Variants in ASH1L observed in about 807,000 individuals in gnomAD.
The protein encoded by ASH1L is ASH1 like histone lysine methyltransferase.
ASH1L carries 23 observed loss-of-function variants against 269.0 expected under a neutral mutation model. The observed-to-expected ratio is 0.09, with a 90% CI of 0.06 to 0.12. The LOEUF is 0.12. Among genes scored for constraint, ASH1L ranks in the 10% least tolerant of loss-of-function variants. The pLI, the probability that ASH1L is intolerant of heterozygous loss-of-function variation, is 1.00. For missense variants in ASH1L, 2,912 were observed against 3,567.8 expected (o/e 0.82, Z 4.68); for synonymous variants, 1,187 against 1,253.5 (o/e 0.95, Z 1.12).
At chr1:155,354,737 G>A (rs1305526455) in intron 15 of ASH1L, 107 bp from the exon 16 acceptor site, 4 of 1,066,746 alleles carry the variant, frequency 3.7e-6, no homozygotes, top group East Asian at 2.6e-5. Flanking sequence ...GAATTGAGCT[G>A]TTGTAAAGAG....
Position 155,389,161 on chromosome 1 carries a change from A to C in ASH1L, c.6103+6298T>G, listed in dbSNP as rs548285552. ...ACTGGGATTACAGGCATCCACTATCACTCCTGGCTAATTTTTTTCTATTTT... is the reference window on the plus strand; with the variant it reads ...ACTGGGATTACAGGCATCCACTATCCCTCCTGGCTAATTTTTTTCTATTTT... On this transcript the variant is annotated intron_variant, in intron 7 of 27. Transcript: ENST00000392403. Among the ~76,000 whole-genome samples the C allele has an allele frequency of 1.0e-4, 15 of 150,008 alleles. No individual in the cohort carries two copies. The East Asian group carries it at 1.8e-3, about 18-fold the overall frequency.
At chr1:155,425,894 GTTTT>G (rs35782870) in intron 5 of ASH1L, among the ~76,000 whole-genome samples, 1 of 143,498 alleles carries the variant, frequency 7.0e-6, no homozygotes, top group Admixed American at 6.9e-5. Context: ...TTTTTGTGGT[GTTTT>G]TTTTTTTTGA....
intron 1 of ASH1L, among the ~76,000 whole-genome samples, chr1:155,555,178 A>G (rs1671501779): frequency 2.7e-5 from 4 of 150,644 alleles, no homozygotes; most frequent in South Asian, 2.1e-4. Flanking sequence ...TCTGACCTAC[A>G]GTTATTTGAC....
At chr1:155,410,925 G>A (rs897058047) in intron 6 of ASH1L, among the ~76,000 whole-genome samples, 4 of 151,990 alleles carry the variant, frequency 2.6e-5, no homozygotes, top group African/African-American at 9.7e-5. Flanking sequence ...TTATTCTATT[G>A]TATGATATTA....
At chr1:155,468,497 GCTT>G (rs768447156) in intron 3 of ASH1L, among the ~76,000 whole-genome samples, 1 of 152,016 alleles carries the variant, frequency 6.6e-6, no homozygotes, top group Non-Finnish European at 1.5e-5. Flanking sequence ...AGGAAGATTT[GCTT>G]CTTTTCTGCC....
At chr1:155,346,259 C>T (rs1653306926) in intron 21 of ASH1L, 124 bp downstream of exon 21, 1 of 1,566,068 alleles carries the variant, frequency 6.4e-7, no homozygotes, top group East Asian at 2.3e-5. Flanking sequence ...TTTAAGAAAC[C>T]AAGGCCCAGA....
intron 12 of ASH1L, among the ~76,000 whole-genome samples, chr1:155,361,518 CAAAAAAAAAAAAAAAAAAA>C (rs1161207568): frequency 2.7e-5 from 1 of 36,380 alleles, no homozygotes; most frequent in Non-Finnish European, 4.4e-5. Flanking sequence ...CTCCATCTCA[CAAAAAAAAAAAAAAAAAAA>C]AAAAAAAAAA....
At chr1:155,514,540 GTTTA>G (rs1337303746) in intron 2 of ASH1L, among the ~76,000 whole-genome samples, 1 of 150,208 alleles carries the variant, frequency 6.7e-6, no homozygotes, top group East Asian at 1.9e-4. Flanking sequence ...ATTACTTGCT[GTTTA>G]TTTTATATTT....
upstream of ASH1L, chr1:155,562,942 AT>A (rs1413115548): frequency 2.2e-6 from 1 of 451,306 alleles, no homozygotes; most frequent in Non-Finnish European, 4.4e-6. Flanking sequence ...GCCTCCCACA[AT>A]CCCCCCCGCG....
intron 6 of ASH1L, among the ~76,000 whole-genome samples, chr1:155,412,137 G>A (rs1659861463): frequency 6.6e-6 from 1 of 151,972 alleles, no homozygotes; most frequent in African/African-American, 2.4e-5. Flanking sequence ...AGCTACTCAG[G>A]AGGCTGAGGT....
chr1:155,534,022 C>T (rs751900189), intron 1 of ASH1L, among the ~76,000 whole-genome samples: 4 of 151,362 alleles, frequency 2.6e-5, no homozygotes, highest in Admixed American at 6.6e-5. Context: ...ACTTTAAGTG[C>T]TTTCTTTCCT....
chr1:155,376,304 A>G (rs1371303304), intron 10 of ASH1L, among the ~76,000 whole-genome samples: 2 of 152,254 alleles, frequency 1.3e-5, no homozygotes, highest in Non-Finnish European at 2.9e-5. Context: ...GAACTAAAAC[A>G]TTGATTCCCT....
At chr1:155,393,555 TTTC>T (rs1658114768) in intron 7 of ASH1L, among the ~76,000 whole-genome samples, 2 of 151,866 alleles carry the variant, frequency 1.3e-5, no homozygotes, top group South Asian at 4.1e-4. Context: ...CCTTATTTCT[TTTC>T]TTTTTTTTTT....
intron 6 of ASH1L, among the ~76,000 whole-genome samples, chr1:155,397,252 T>C (rs1464925305): frequency 6.6e-6 from 1 of 151,804 alleles, no homozygotes; most frequent in African/African-American, 2.4e-5. Context: ...ATCCTAGCAC[T>C]GTGGGAGGCC....
intron 2 of ASH1L, among the ~76,000 whole-genome samples, chr1:155,518,046 C>T (rs1485595081): frequency 1.3e-5 from 2 of 151,802 alleles, no homozygotes; most frequent in Non-Finnish European, 2.9e-5. Context: ...GTGATCCGCC[C>T]GCCTCGGCCT....
chr1:155,393,957 C>T (rs1227102503), intron 7 of ASH1L, among the ~76,000 whole-genome samples: 5 of 151,926 alleles, frequency 3.3e-5, no homozygotes, highest in South Asian at 4.2e-4. Flanking sequence ...CCTGTACTGC[C>T]GGAGATTATA....
At chr1:155,411,620 T>C (rs1659813704) in intron 6 of ASH1L, among the ~76,000 whole-genome samples, 1 of 125,088 alleles carries the variant, frequency 8.0e-6, no homozygotes, top group African/African-American at 2.9e-5. Flanking sequence ...TATATATATG[T>C]TTTCATCCAT....
intron 1 of ASH1L, among the ~76,000 whole-genome samples, chr1:155,533,053 G>A (rs993996475): frequency 2.0e-5 from 3 of 151,150 alleles, no homozygotes; most frequent in Non-Finnish European, 4.4e-5. Flanking sequence ...AACTATGTTT[G>A]GAAATCATTT....
chr1:155,369,456 A>G (rs1157713081), intron 12 of ASH1L, among the ~76,000 whole-genome samples: 1 of 152,230 alleles, frequency 6.6e-6, no homozygotes, highest in Non-Finnish European at 1.5e-5. Context: ...CAAAAAAAAA[A>G]AAAAGTCTAT....
Sources: allele counts gnomAD v4.1 joint callset (sites outside exome capture counted in the v4.1 genomes callset), GRCh38; gene constraint gnomAD v4.1.1; transcripts MANE v1.5; gene names NCBI Gene and HGNC (gene_info 2026-07-23, HGNC 2026-07-21).